ATRX: variants seen among roughly 807,000 people sequenced by gnomAD.
The protein encoded by ATRX is ATRX chromatin remodeler, also known as chromatin remodeler ATRX.
ATRX carries 12 observed loss-of-function variants against 172.6 expected under a neutral mutation model. The observed-to-expected ratio is 0.07, with a 90% CI of 0.04 to 0.11. The LOEUF (loss-of-function observed/expected upper bound fraction) is 0.11, where lower values mean the gene tolerates loss of function less well. Ranked by LOEUF, ATRX falls within the 10% of genes least tolerant of loss-of-function variation. The probability of loss-of-function intolerance (pLI) is 1.00; values close to 1 mark genes in which losing one functional copy is unlikely to be tolerated. For synonymous variants in ATRX, 674 were observed against 594.7 expected, an observed-to-expected ratio of 1.13 and a Z score of -1.94; for missense variants, 1,368 against 1,767.4, an observed-to-expected ratio of 0.77 and a Z score of 4.05.
chrX:77,780,938 CA>C (rs1191287289), intron 1 of ATRX, among the ~76,000 whole-genome samples: 2 of 107,746 alleles, frequency 1.9e-5, no homozygotes, highest in East Asian at 3.0e-4. Context: ...GACCTTGTCC[CA>C]AAAAAAAATT....
At chrX:77,668,012 A>G (rs903846397) in intron 10 of ATRX, among the ~76,000 whole-genome samples, 1 of 112,120 alleles carries the variant, frequency 8.9e-6, no homozygotes, top group Non-Finnish European at 1.9e-5. Flanking sequence ...CCTAAAAAGA[A>G]TAAGTTGAAT....
chrX:77,778,720 C>CA lies in ATRX; in HGVS notation c.20+7261dup, dbSNP rs782545336. ...TGGGTGACAGAGCGAGACTACGTCT[C>CA]AAAAAAAAAAAAAAAGGCACAATAG... On this transcript the variant is annotated intron_variant, in intron 1 of 34. Coordinates refer to ENST00000373344, the MANE Select transcript of ATRX (RefSeq NM_000489.6). Among the ~76,000 whole-genome samples the CA allele has an allele frequency of 3.4e-3, 167 of 49,361 alleles. 1 individual carries two copies. Among genetic ancestry groups the CA allele is most frequent in the East Asian group, 0.015 (22 of 1,471 alleles). 42.9% of individuals were successfully genotyped at this position (49,361 alleles called of 115,157 possible). A position where few individuals can be genotyped will look rare whatever the true frequency, so the allele number is the denominator to read the frequency against.
At chrX:77,722,154 C>T (rs921909899) in intron 1 of ATRX, among the ~76,000 whole-genome samples, 10 of 111,320 alleles carry the variant, frequency 9.0e-5, no homozygotes, top group African/African-American at 2.6e-4. Context: ...TCCTTCCTTA[C>T]ACATTATATA....
intron 10 of ATRX, among the ~76,000 whole-genome samples, chrX:77,673,527 T>C (rs1193562776): frequency 9.0e-6 from 1 of 111,391 alleles, no homozygotes; most frequent in African/African-American, 3.2e-5. Flanking sequence ...CAATCTATAA[T>C]ATTCTGTCCT....
intron 1 of ATRX, among the ~76,000 whole-genome samples, chrX:77,748,655 C>T (rs2075181441): frequency 9.4e-6 from 1 of 106,924 alleles, no homozygotes; most frequent in Non-Finnish European, 1.9e-5. Flanking sequence ...GGTGTGATCT[C>T]GGCTCACTGT....
chrX:77,544,414 T>C lies in ATRX; in HGVS notation c.6699+13037A>G, dbSNP rs782229087. 3.6e-5 allele frequency among the ~76,000 whole-genome samples: 4 copies of C among 111,455 alleles called. No homozygotes were observed. In the South Asian group the frequency reaches 1.5e-3, roughly 42 times the overall value. On this transcript the variant is annotated intron_variant, in intron 30 of 34. Transcript: ENST00000373344. ...TTAGCTCTATAATCTAGCTTTTCTT[T>C]TTCTTTTTTTTTATTATTATACTTT...
chrX:77,776,486 G>A (rs2076355702), intron 1 of ATRX, among the ~76,000 whole-genome samples: 1 of 112,098 alleles, frequency 8.9e-6, no homozygotes, highest in African/African-American at 3.2e-5. Context: ...ACCAAACTAT[G>A]TAAAATTGTG....
At chrX:77,533,213 G>A (rs1247846060) in intron 30 of ATRX, among the ~76,000 whole-genome samples, 4 of 112,465 alleles carry the variant, frequency 3.6e-5, no homozygotes, top group African/African-American at 1.3e-4. Context: ...GGAAGACAGT[G>A]TGGCGATTCC....
intron 1 of ATRX, among the ~76,000 whole-genome samples, chrX:77,744,482 T>A (rs1315735725): frequency 9.0e-6 from 1 of 111,226 alleles, no homozygotes; most frequent in African/African-American, 3.3e-5. Flanking sequence ...AAAGGAAACA[T>A]CAGAAACCAA....
intron 26 of ATRX, among the ~76,000 whole-genome samples, chrX:77,590,630 A>C (rs1179229292): frequency 9.3e-6 from 1 of 107,810 alleles, no homozygotes; most frequent in Non-Finnish European, 1.9e-5. Flanking sequence ...AAAAAAAAAA[A>C]CCTACACAAT....
intron 1 of ATRX, among the ~76,000 whole-genome samples, chrX:77,736,815 C>T (rs1193076469): frequency 9.0e-6 from 1 of 111,683 alleles, no homozygotes; most frequent in Non-Finnish European, 1.9e-5. Context: ...TGGATGCAAC[C>T]TAAGTATCCA....
At chrX:77,563,847 C>T (rs1557063170) in intron 28 of ATRX, among the ~76,000 whole-genome samples, 1 of 109,600 alleles carries the variant, frequency 9.1e-6, no homozygotes, top group Non-Finnish European at 1.9e-5. Context: ...AAATCCTGGT[C>T]CCAGTTCAAA....
chrX:77,718,568 G>C (rs781937666), intron 1 of ATRX, among the ~76,000 whole-genome samples: 2 of 108,959 alleles, frequency 1.8e-5, no homozygotes, highest in South Asian at 3.9e-4. Context: ...CAGAGACGAG[G>C]TTTCACCGTG....
intron 27 of ATRX, among the ~76,000 whole-genome samples, chrX:77,586,836 A>G (rs2066045352): frequency 9.0e-6 from 1 of 111,553 alleles, no homozygotes; most frequent in Non-Finnish European, 1.9e-5. Context: ...AGGCGGGTGG[A>G]TCACTTGAGG....
At chrX:77,554,943 T>A (rs781849760) in intron 30 of ATRX, among the ~76,000 whole-genome samples, 23 of 112,261 alleles carry the variant, frequency 2.0e-4, no homozygotes, top group South Asian at 1.5e-3. Context: ...AACTTTTTTT[T>A]AAAAAGCAGG....
intron 11 of ATRX, 83 bp downstream of exon 11, chrX:77,664,562 T>C (rs1444005983): frequency 2.6e-6 from 3 of 1,158,487 alleles, no homozygotes; most frequent in African/African-American, 1.8e-5. Context: ...TATTAAGATA[T>C]TTCTTGGTCA....
At chrX:77,716,169 C>T (rs1246145868) in intron 2 of ATRX, among the ~76,000 whole-genome samples, 1 of 79,927 alleles carries the variant, frequency 1.3e-5, no homozygotes, top group Admixed American at 1.5e-4. Flanking sequence ...CATGGTGGCA[C>T]ACACCTGTAA....
intron 1 of ATRX, among the ~76,000 whole-genome samples, chrX:77,753,512 ATT>A (rs1261993489): frequency 3.6e-5 from 4 of 110,578 alleles, no homozygotes; most frequent in African/African-American, 9.9e-5. Flanking sequence ...TGGCTTTTGA[ATT>A]TGTTTGCTCT....
At chrX:77,508,863 A>T (rs2062773009) in intron 34 of ATRX, among the ~76,000 whole-genome samples, 1 of 112,380 alleles carries the variant, frequency 8.9e-6, no homozygotes, top group South Asian at 3.7e-4. Flanking sequence ...TGCAAGCAGC[A>T]TTTAGCTTAG....
Sources: allele counts gnomAD v4.1 joint callset (sites outside exome capture counted in the v4.1 genomes callset), GRCh38; gene constraint gnomAD v4.1.1; transcripts MANE v1.5; gene names NCBI Gene and HGNC (gene_info 2026-07-23, HGNC 2026-07-21).